Variants in PCDHA13 observed in about 807,000 individuals in gnomAD.
PCDHA13 encodes the protein protocadherin alpha-13.
Under a neutral mutation model 64.8 loss-of-function variants are expected in PCDHA13, and 54 were observed. That is an observed-to-expected ratio of 0.83 (90% CI 0.67 to 1.04). The LOEUF (loss-of-function observed/expected upper bound fraction) is 1.04, where lower values mean the gene tolerates loss of function less well. Ranked by LOEUF, PCDHA13 falls within the 50% of genes least tolerant of loss-of-function variation. PCDHA13 has a pLI of 0.00. For missense variants in PCDHA13, 1,248 were observed against 1,254.3 expected (o/e 0.99, Z 0.08); for synonymous variants, 587 against 564.4 (o/e 1.04, Z -0.57).
At chr5:140,911,249 C>T (rs782367621) in intron 1 of PCDHA13, among the ~76,000 whole-genome samples, 4 of 152,152 alleles carry the variant, frequency 2.6e-5, no homozygotes, top group African/African-American at 4.8e-5. Context: ...AAAGTTTCAT[C>T]AGAATTTATA....
chr5:140,934,612 T>G (rs2089946859), intron 1 of PCDHA13, among the ~76,000 whole-genome samples: 1 of 152,184 alleles, frequency 6.6e-6, no homozygotes, highest in South Asian at 2.1e-4. Flanking sequence ...TTGATTAGCC[T>G]GAGGTACAGT....
intron 1 of PCDHA13, among the ~76,000 whole-genome samples, chr5:140,941,595 A>T (rs1273931279): frequency 6.6e-6 from 1 of 152,016 alleles, no homozygotes; most frequent in African/African-American, 2.4e-5. Context: ...GATTACAGCC[A>T]TGAGCCATGG....
chr5:140,910,514 T>C (rs1246361505), intron 1 of PCDHA13, among the ~76,000 whole-genome samples: 1 of 152,218 alleles, frequency 6.6e-6, no homozygotes, highest in African/African-American at 2.4e-5. Flanking sequence ...TCTTCAAGGA[T>C]GCAGGTACTC....
chr5:140,976,897 T>C (rs2096736712), intron 1 of PCDHA13, among the ~76,000 whole-genome samples: 1 of 152,220 alleles, frequency 6.6e-6, no homozygotes, highest in Admixed American at 6.5e-5. Flanking sequence ...CATGCAACAG[T>C]ATGTAATAAA....
intron 3 of PCDHA13, among the ~76,000 whole-genome samples, chr5:140,996,592 C>T (rs2097733979): frequency 6.7e-6 from 1 of 149,052 alleles, no homozygotes; most frequent in African/African-American, 2.4e-5. Context: ...AGGGCCGCCT[C>T]CCCCCATTTT....
chr5:140,955,813 G>A (rs1428196745), intron 1 of PCDHA13, among the ~76,000 whole-genome samples: 1 of 152,096 alleles, frequency 6.6e-6, no homozygotes, highest in Non-Finnish European at 1.5e-5. Context: ...TGTGTCCACT[G>A]TGATTTCCTT....
intron 1 of PCDHA13, among the ~76,000 whole-genome samples, chr5:140,912,892 A>T (rs1554195590): frequency 2.0e-5 from 3 of 152,210 alleles, no homozygotes. Context: ...TTCTGTTGAT[A>T]TGATGTATCA....
chr5:140,898,733 A>C (rs1401773719), intron 1 of PCDHA13, among the ~76,000 whole-genome samples: 1 of 152,154 alleles, frequency 6.6e-6, no homozygotes, highest in Non-Finnish European at 1.5e-5. Flanking sequence ...GAAGAAAGTC[A>C]TTGGTAGCTT....
chr5:140,976,814 A>G (rs1276394910), intron 1 of PCDHA13, among the ~76,000 whole-genome samples: 1 of 152,242 alleles, frequency 6.6e-6, no homozygotes, highest in East Asian at 1.9e-4. Flanking sequence ...GAAGATATGC[A>G]TGTGTCTAAT....
intron 1 of PCDHA13, among the ~76,000 whole-genome samples, chr5:140,891,998 A>C (rs1336951985): frequency 2.6e-5 from 4 of 152,200 alleles, no homozygotes; most frequent in Non-Finnish European, 5.9e-5. Flanking sequence ...AGTCTGTGGC[A>C]TTCTGTTATA....
rs999939821 is a variant in PCDHA13, at chr5:140,972,909, G to A, written c.2395-6040G>A. ...GATCTCTTGACCTTGTGATCCACCC[G>A]CCTTGGCCTCCCAAAGTGCTGGGAT... is the stretch of plus-strand genomic sequence containing the variant. On this transcript the variant is annotated intron_variant, in intron 1 of 3. Transcript: ENST00000289272. 5.3e-4 allele frequency among the ~76,000 whole-genome samples: 80 copies of A among 152,056 alleles called. 1 individual carries two copies. Among genetic ancestry groups the A allele is most frequent in the African/African-American group, 1.8e-3 (75 of 41,484 alleles).
At chr5:140,960,551 G>T (rs2095555454) in intron 1 of PCDHA13, among the ~76,000 whole-genome samples, 1 of 152,102 alleles carries the variant, frequency 6.6e-6, no homozygotes, top group Admixed American at 6.5e-5. Flanking sequence ...CCTTCATATA[G>T]ACTGAGCTTA....
At chr5:140,939,351 T>C (rs918440257) in intron 1 of PCDHA13, among the ~76,000 whole-genome samples, 2 of 152,140 alleles carry the variant, frequency 1.3e-5, no homozygotes, top group Non-Finnish European at 1.5e-5. Flanking sequence ...TTTCAACTTA[T>C]GATTGCAAAG....
chr5:140,919,352 T>G (rs1406850241), intron 1 of PCDHA13, among the ~76,000 whole-genome samples: 1 of 152,222 alleles, frequency 6.6e-6, no homozygotes, highest in Non-Finnish European at 1.5e-5. Flanking sequence ...TCTTTGAATC[T>G]AAAAGTGTCT....
At chr5:140,919,254 T>A (rs1554198989) in intron 1 of PCDHA13, among the ~76,000 whole-genome samples, 1 of 152,266 alleles carries the variant, frequency 6.6e-6, no homozygotes. Context: ...CTGTTTTGTC[T>A]GATATTAGTG....
intron 1 of PCDHA13, among the ~76,000 whole-genome samples, chr5:140,890,187 CAG>C (rs2062529084): frequency 1.3e-5 from 2 of 152,228 alleles, no homozygotes; most frequent in South Asian, 4.1e-4. Context: ...TGCTACAAAA[CAG>C]AGTTTTTTGT....
intron 1 of PCDHA13, among the ~76,000 whole-genome samples, chr5:140,964,058 A>C (rs147228403): frequency 1.4e-3 from 207 of 152,356 alleles, no homozygotes; most frequent in Admixed American, 4.3e-3. Flanking sequence ...TGGTGTGGTC[A>C]AGGCATTAGT....
chr5:140,924,900 A>AT lies in PCDHA13; in HGVS notation c.2394+40238_2394+40239insT, dbSNP rs1563068012. 8.8e-4 allele frequency among the ~76,000 whole-genome samples: 56 copies of AT among 63,318 alleles called. 1 individual carries two copies. The highest frequency in any genetic ancestry group is 8.1e-3 in the Middle Eastern group (1 of 124). 41.5% of individuals were successfully genotyped at this position (63,318 alleles called of 152,430 possible). On this transcript the variant is annotated intron_variant, in intron 1 of 3. Coordinates refer to ENST00000289272, the MANE Select transcript of PCDHA13 (RefSeq NM_018904.3). ...ACAGAGCAAGAACCTGTCTCAAAAA[A>AT]AAAAATAAAATAAAATAAAATAAAA...
chr5:140,968,150 A>C, intron 1 of PCDHA13: 1 of 1,614,180 alleles, frequency 6.2e-7, no homozygotes. Context: ...GATCTCTGAC[A>C]TCAATGACAA....
Sources: allele counts gnomAD v4.1 joint callset (sites outside exome capture counted in the v4.1 genomes callset), GRCh38; gene constraint gnomAD v4.1.1; transcripts MANE v1.5; gene names NCBI Gene and HGNC (gene_info 2026-07-23, HGNC 2026-07-21).